KHDRBS2: variants seen among roughly 807,000 people sequenced by gnomAD.
KHDRBS2 encodes KH domain-containing, RNA-binding, signal transduction-associated protein 2.
Under a neutral mutation model 44.3 loss-of-function variants are expected in KHDRBS2, and 26 were observed. That is an observed-to-expected ratio of 0.59 (90% CI 0.43 to 0.81). KHDRBS2 has a LOEUF of 0.81. KHDRBS2 is among the 40% of genes least tolerant of loss of function. The pLI is 0.00. For missense variants in KHDRBS2, 476 were observed against 433.1 expected (o/e 1.10, Z -0.88); for synonymous variants, 194 against 151.1 (o/e 1.28, Z -2.08).
intron 6 of KHDRBS2, among the ~76,000 whole-genome samples, chr6:61,809,953 C>T (rs1787838672): frequency 6.6e-6 from 1 of 151,960 alleles, no homozygotes; most frequent in African/African-American, 2.4e-5. Flanking sequence ...AGCAGTATCT[C>T]AAGAAAATTG....
At chr6:61,754,095 G>A (rs1362128105) in intron 6 of KHDRBS2, among the ~76,000 whole-genome samples, 7 of 152,256 alleles carry the variant, frequency 4.6e-5, no homozygotes, top group South Asian at 2.1e-4. Flanking sequence ...CCGGAACTGC[G>A]AGAGAATAGA....
rs745879252 is a variant in KHDRBS2, at chr6:62,001,897, G to C, written c.337-23685C>G. 9.2e-5 allele frequency among the ~76,000 whole-genome samples: 14 copies of C among 152,022 alleles called. No individual in the cohort carries two copies. In the South Asian group the frequency reaches 2.9e-3, roughly 31 times the overall value. ...AGGTTGAAAAGAAGAGGATTATCTT[G>C]CATGGCTTTTACTGAAAGAAGGTTA... On this transcript the variant is annotated intron_variant, in intron 3 of 8. Coordinates refer to ENST00000281156, the MANE Select transcript of KHDRBS2 (RefSeq NM_152688.4).
intron 4 of KHDRBS2, among the ~76,000 whole-genome samples, chr6:61,972,019 T>C (rs551595290): frequency 1.8e-4 from 28 of 152,254 alleles, no homozygotes; most frequent in African/African-American, 6.3e-4. Context: ...ATTCACCTAT[T>C]TCCAATTCTT....
the KHDRBS2 span, among the ~76,000 whole-genome samples, chr6:61,602,580 A>T: frequency 6.6e-6 from 1 of 152,038 alleles, no homozygotes; most frequent in Non-Finnish European, 1.5e-5. Context: ...GAACACTGAC[A>T]CTGCCCGATC....
the KHDRBS2 span, among the ~76,000 whole-genome samples, chr6:61,584,896 A>G: frequency 2.6e-5 from 4 of 151,866 alleles, no homozygotes; most frequent in Non-Finnish European, 5.9e-5. Flanking sequence ...GAAAGCATAA[A>G]ATTTGCTTTA....
At chr6:61,739,826 C>G (rs189995361) in intron 6 of KHDRBS2, among the ~76,000 whole-genome samples, 2 of 152,004 alleles carry the variant, frequency 1.3e-5, no homozygotes, top group Non-Finnish European at 2.9e-5. Context: ...TCCCACCAAA[C>G]AGATACACTA....
downstream of KHDRBS2, among the ~76,000 whole-genome samples, chr6:61,679,369 G>T (rs929395393): frequency 5.3e-5 from 8 of 151,838 alleles, no homozygotes; most frequent in South Asian, 2.1e-4. Flanking sequence ...TTAATTAGTT[G>T]TTTTAATAGC....
At chr6:61,567,803 T>A in the KHDRBS2 span, among the ~76,000 whole-genome samples, 1 of 152,164 alleles carries the variant, frequency 6.6e-6, no homozygotes, top group Non-Finnish European at 1.5e-5. Flanking sequence ...TCATCTTTTC[T>A]TTTTTAATCT....
At chr6:62,105,690 A>AATAAAATT (rs1803055597) in intron 2 of KHDRBS2, among the ~76,000 whole-genome samples, 1 of 152,098 alleles carries the variant, frequency 6.6e-6, no homozygotes, top group Non-Finnish European at 1.5e-5. Context: ...TAGTCTTGCT[A>AATAAAATT]GCGGTCTATC....
intron 8 of KHDRBS2, among the ~76,000 whole-genome samples, chr6:61,682,088 T>C (rs1048990271): frequency 5.0e-4 from 76 of 151,930 alleles, no homozygotes; most frequent in African/African-American, 1.7e-3. Flanking sequence ...TGGGAAACAA[T>C]TGCAGATTGA....
At chr6:61,555,308 C>G in the KHDRBS2 span, among the ~76,000 whole-genome samples, 1 of 152,100 alleles carries the variant, frequency 6.6e-6, no homozygotes, top group Non-Finnish European at 1.5e-5. Context: ...GCTGTTAATA[C>G]TTGCAACCGT....
At chr6:62,085,747 T>A (rs1798259618) in intron 2 of KHDRBS2, among the ~76,000 whole-genome samples, 1 of 151,960 alleles carries the variant, frequency 6.6e-6, no homozygotes, top group Admixed American at 6.6e-5. Context: ...AGCATTAAGG[T>A]TAGAGTTAGG....
intron 7 of KHDRBS2, among the ~76,000 whole-genome samples, chr6:61,707,066 A>C (rs1582279297): frequency 6.6e-6 from 1 of 151,864 alleles, no homozygotes; most frequent in East Asian, 1.9e-4. Flanking sequence ...AAGTCTTTAC[A>C]GATGACATTA....
chr6:62,258,956 A>G (rs1332555626), intron 1 of KHDRBS2, among the ~76,000 whole-genome samples: 1 of 152,026 alleles, frequency 6.6e-6, no homozygotes, highest in Admixed American at 6.6e-5. Flanking sequence ...ACTTCACTTC[A>G]AAGAGAAGAA....
intron 3 of KHDRBS2, among the ~76,000 whole-genome samples, chr6:62,001,910 T>A (rs1185379587): frequency 6.6e-6 from 1 of 152,110 alleles, no homozygotes; most frequent in Non-Finnish European, 1.5e-5. Context: ...TGGCTTTTAC[T>A]GAAAGAAGGT....
At chr6:61,667,960 A>G in the KHDRBS2 span, among the ~76,000 whole-genome samples, 1 of 151,256 alleles carries the variant, frequency 6.6e-6, no homozygotes, top group Non-Finnish European at 1.5e-5. Flanking sequence ...TGAGGAATCA[A>G]ATAAACTCAT....
intron 8 of KHDRBS2, among the ~76,000 whole-genome samples, chr6:61,684,302 G>A (rs1383905230): frequency 1.3e-5 from 2 of 151,852 alleles, no homozygotes; most frequent in Non-Finnish European, 2.9e-5. Flanking sequence ...TTCACTGCAA[G>A]TACCACATAT....
At chr6:62,078,117 C>A (rs1409636086) in intron 2 of KHDRBS2, among the ~76,000 whole-genome samples, 2 of 151,962 alleles carry the variant, frequency 1.3e-5, no homozygotes, top group Non-Finnish European at 2.9e-5. Flanking sequence ...TGTAAAATCA[C>A]CTAGTCTCCA....
At chr6:62,096,013 T>A (rs979827164) in intron 2 of KHDRBS2, among the ~76,000 whole-genome samples, 4 of 152,018 alleles carry the variant, frequency 2.6e-5, no homozygotes, top group African/African-American at 9.7e-5. Context: ...TCATGTGCTG[T>A]ATCACATTTA....
Sources: gnomAD v4.1 joint callset for allele counts (sites outside exome capture counted in the v4.1 genomes callset) on GRCh38, gnomAD v4.1.1 for gene constraint, MANE v1.5 for transcripts, NCBI Gene and HGNC (gene_info 2026-07-23, HGNC 2026-07-21) for gene names.